Variants in PPM1A observed in about 807,000 individuals in gnomAD.
PPM1A encodes protein phosphatase 1A.
PPM1A carries 7 observed loss-of-function variants against 35.0 expected under a neutral mutation model. The observed-to-expected ratio is 0.20, with a 90% CI of 0.11 to 0.38. The LOEUF (loss-of-function observed/expected upper bound fraction) is 0.38. PPM1A is among the 10% of genes least tolerant of loss of function. The pLI is 1.00. For missense variants in PPM1A, 239 were observed against 467.8 expected (o/e 0.51, Z 4.51); for synonymous variants, 153 against 167.3 (o/e 0.91, Z 0.66).
chr14:60,271,322 C>T (rs1885077380), intron 1 of PPM1A, among the ~76,000 whole-genome samples: 1 of 152,218 alleles, frequency 6.6e-6, no homozygotes, highest in African/African-American at 2.4e-5. Context: ...GATTCTTAAT[C>T]ACATCTGCAA....
intron 1 of PPM1A, among the ~76,000 whole-genome samples, chr14:60,266,273 TGTA>T (rs1884370154): frequency 6.6e-6 from 1 of 152,200 alleles, no homozygotes; most frequent in South Asian, 2.1e-4. Flanking sequence ...GTTTGTATAT[TGTA>T]GTAATGTTAA....
intron 1 of PPM1A, among the ~76,000 whole-genome samples, chr14:60,276,239 AT>A: frequency 6.6e-6 from 1 of 152,312 alleles, no homozygotes; most frequent in Non-Finnish European, 1.5e-5. Flanking sequence ...ACTGCAAGTA[AT>A]TTGAATATTG....
chr14:60,293,524 A>G lies in PPM1A; in HGVS notation c.*1042A>G, dbSNP rs1341310293. ...TCCATTAGAAAGACTAAAAGATTTA[A>G]TTCTTGGTTGTACCTTAATCTATTT... is the stretch of plus-strand genomic sequence containing the variant. On this transcript the variant is annotated 3_prime_UTR_variant, in exon 6 of 6. Coordinates refer to ENST00000395076, the MANE Select transcript of PPM1A (RefSeq NM_021003.5). This position sits in a 1 kb window ranked among gnomAD's most constrained non-coding sequence, Gnocchi z 4.0. 6.6e-6 allele frequency: 1 copy of G among 152,030 alleles called. No homozygotes were observed. The highest frequency in any genetic ancestry group is 1.5e-5 in the Non-Finnish European group (1 of 67,928). 9.4% of individuals were successfully genotyped at this position (152,030 alleles called of 1,614,324 possible). A position where few individuals can be genotyped will look rare whatever the true frequency, so the allele number is the denominator to read the frequency against.
chr14:60,260,514 T>C (rs1000635762), intron 1 of PPM1A, among the ~76,000 whole-genome samples: 1 of 152,152 alleles, frequency 6.6e-6, no homozygotes, highest in Non-Finnish European at 1.5e-5. Flanking sequence ...ACAATCATAG[T>C]AATCTTTTAA....
At position 60,249,857 on chromosome 14, in the gene PPM1A, G is replaced by T. The variant is rs920606595; in HGVS notation, c.-21+180G>T. ...TCCCCCGAGCCGGGCGGCGGACGGC[G>T]AGGGGTTAACGCTCGGCGAGGGCGG... On this transcript the variant is annotated intron_variant, in intron 1 of 5. Transcript: ENST00000395076. The surrounding 1 kb of genome is among the most constrained non-coding windows in gnomAD (Gnocchi z 4.5). 6.6e-6 allele frequency among the ~76,000 whole-genome samples: 1 copy of T among 151,522 alleles called. No homozygotes were observed. The highest frequency in any genetic ancestry group is 2.4e-5 in the African/African-American group (1 of 41,352).
At chr14:60,288,205 T>G in intron 3 of PPM1A, 1 of 981,038 alleles carries the variant, frequency 1.0e-6, no homozygotes, top group Non-Finnish European at 1.2e-6. Flanking sequence ...AAGAATTTGT[T>G]TTCCTGTAAT....
At chr14:60,286,551 C>T (rs1403496742) in intron 3 of PPM1A, 30 of 985,018 alleles carry the variant, frequency 3.0e-5, no homozygotes, top group Non-Finnish European at 3.5e-5. Context: ...TTAAAAATAG[C>T]GTTAAAATGC....
intron 1 of PPM1A, among the ~76,000 whole-genome samples, chr14:60,259,156 A>G (rs918524192): frequency 6.6e-6 from 1 of 152,114 alleles, no homozygotes; most frequent in Non-Finnish European, 1.5e-5. Context: ...ATTGCATGTC[A>G]CAATTCATGA....
chr14:60,260,510 ATAG>A (rs1172451376), intron 1 of PPM1A, among the ~76,000 whole-genome samples: 5 of 152,174 alleles, frequency 3.3e-5, no homozygotes, highest in Non-Finnish European at 7.4e-5. Flanking sequence ...CCATACAATC[ATAG>A]TAATCTTTTA....
In PPM1A at chr14:60,282,774, A is replaced by T. The variant is rs563233629; in HGVS notation, c.71A>T (p.Tyr24Phe). Residue 24 changes from tyrosine to phenylalanine, a missense_variant, in exon 2 of 6, where the codon TAT becomes TTT. By Grantham distance (22) the Tyr-to-Phe change is conservative. Around this residue, in one of 2 missense-constraint regions of PPM1A, gnomAD observed 175 missense variants for 389.2 expected, o/e 0.45. Transcript: ENST00000395076. This position sits in a 1 kb window ranked among gnomAD's most constrained non-coding sequence, Gnocchi z 5.1. ...NAQGQGNGLR[Y>F]GLSSMQGWRV... ...CAGGGGCAGGGTAATGGGTTGCGATATGGGCTAAGCAGCATGCAAGGCTGG... is the reference window on the plus strand; with the variant it reads ...CAGGGGCAGGGTAATGGGTTGCGATTTGGGCTAAGCAGCATGCAAGGCTGG... The T allele has an allele frequency of 1.3e-5, 21 of 1,614,242 alleles. No homozygotes were observed. The South Asian group carries it at 2.1e-4, about 16-fold the overall frequency.
At chr14:60,245,983 A>G, upstream of PPM1A, 1 of 1,578,688 alleles carries the variant, frequency 6.3e-7, no homozygotes, top group Non-Finnish European at 8.6e-7. This position sits in a 1 kb window ranked among gnomAD's most constrained non-coding sequence, Gnocchi z 4.2. Flanking sequence ...AGGAGAGAGA[A>G]GGAGAAATGA....
chr14:60,281,706 C>T (rs747631771), intron 1 of PPM1A, among the ~76,000 whole-genome samples: 2 of 152,186 alleles, frequency 1.3e-5, no homozygotes, highest in African/African-American at 2.4e-5. Context: ...TTCTAACCAG[C>T]TGTCTCTTTG....
chr14:60,263,455 C>G (rs1884008856), intron 1 of PPM1A, among the ~76,000 whole-genome samples: 1 of 152,120 alleles, frequency 6.6e-6, no homozygotes. Context: ...ACTCAGTTGT[C>G]TAGTTTACTT....
rs545917877 is a variant in PPM1A at position 60,282,056 on chromosome 14, T to A, written c.-20-628T>A. 6.6e-6 allele frequency among the ~76,000 whole-genome samples: 1 copy of A among 152,324 alleles called. No homozygotes were observed. The highest frequency in any genetic ancestry group is 2.1e-4 in the South Asian group (1 of 4,834). On this transcript the variant is annotated intron_variant, in intron 1 of 5. Transcript: ENST00000395076. This position sits in a 1 kb window ranked among gnomAD's most constrained non-coding sequence, Gnocchi z 5.1. ...GAAAAACCTCATGGAAAAGGTAGAA[T>A]GTAAGGTAGACTTAAAAGGATAGGT...
intron 1 of PPM1A, chr14:60,250,251 A>T (rs1010124037): frequency 6.1e-6 from 1 of 165,236 alleles, no homozygotes; most frequent in African/African-American, 2.4e-5. Context: ...CCTCTAGTTC[A>T]TTCATTATTA....
upstream of PPM1A, chr14:60,249,149 A>C: frequency 1.2e-6 from 1 of 857,406 alleles, no homozygotes; most frequent in Non-Finnish European, 1.4e-6. The surrounding 1 kb of genome is among the most constrained non-coding windows in gnomAD (Gnocchi z 4.5). Context: ...CGGCGGAGCC[A>C]GCGGGGCGGG....
chr14:60,249,596 C>A lies in PPM1A; in HGVS notation c.-102C>A. ...TGACCCCTCCCCCGGCTGCCGCCGT[C>A]GCCGCCGCGGTGACCCCCTCCCCGG... On this transcript the variant is annotated 5_prime_UTR_variant, in exon 1 of 6. Transcript: ENST00000395076. This position sits in a 1 kb window ranked among gnomAD's most constrained non-coding sequence, Gnocchi z 4.5. 1.0e-6 allele frequency: 1 copy of A among 987,506 alleles called. No individual in the cohort carries two copies. Among genetic ancestry groups the A allele is most frequent in the South Asian group, 4.5e-5 (1 of 22,122 alleles). The allele number at this position is 987,506 out of a possible 1,614,324, so 61.2% of individuals were successfully genotyped here. A position where few individuals can be genotyped will look rare whatever the true frequency, so the allele number is the denominator to read the frequency against.
At chr14:60,247,579 G>A (rs1482135539), upstream of PPM1A, among the ~76,000 whole-genome samples, 3 of 136,272 alleles carry the variant, frequency 2.2e-5, no homozygotes, top group African/African-American at 5.6e-5. Context: ...GCAGTGAGCC[G>A]AGATTGTGCC....
chr14:60,265,237 A>T (rs896084471), intron 1 of PPM1A, among the ~76,000 whole-genome samples: 1 of 152,194 alleles, frequency 6.6e-6, no homozygotes, highest in Non-Finnish European at 1.5e-5. Flanking sequence ...ACATAATTTC[A>T]TCTAAACCGT....
Sources: gnomAD v4.1 joint callset for allele counts (sites outside exome capture counted in the v4.1 genomes callset) on GRCh38, gnomAD v4.1.1 for gene constraint, gnomAD v4.1.1 regional missense constraint, Gnocchi (gnomAD v3.1) non-coding constraint, MANE v1.5 for transcripts, NCBI Gene and HGNC (gene_info 2026-07-23, HGNC 2026-07-21) for gene names.